Variants in OXCT1 observed in about 807,000 individuals in gnomAD.
OXCT1 encodes the protein succinyl-CoA:3-ketoacid coenzyme A transferase 1, mitochondrial.
In OXCT1, 27 loss-of-function variants were observed where a neutral mutation model predicts 69.6. The ratio of observed to expected loss-of-function variants is 0.39; its 90% CI spans 0.29 to 0.54. OXCT1 has a LOEUF of 0.54. Among genes scored for constraint, OXCT1 ranks in the 20% least tolerant of loss-of-function variants. The probability of loss-of-function intolerance (pLI) is 0.72; values close to 1 mark genes in which losing one functional copy is unlikely to be tolerated. For synonymous variants in OXCT1, 202 were observed against 217.8 expected, an observed-to-expected ratio of 0.93 and a Z score of 0.64; for missense variants, 437 against 650.2, an observed-to-expected ratio of 0.67 and a Z score of 3.57.
In OXCT1 at chr5:41,842,701, C is replaced by G. The variant is rs778133491; in HGVS notation, c.645G>C (p.Ala215=). Residue 215 remains alanine (A), a synonymous_variant, in exon 6 of 17, where the codon GCG becomes GCC. Coordinates refer to ENST00000196371, the MANE Select transcript of OXCT1 (RefSeq NM_000436.4). ...TGAAAATCACGTTTCCTGCTCGGTC[C>G]GCCTTCCAGGCTTTCACCAAAGCAA... ...GDFALVKAWK[A]DRAGNVIFRK... 1.2e-6 allele frequency: 2 copies of G among 1,613,392 alleles called. No individual in the cohort carries two copies. Among genetic ancestry groups the G allele is most frequent in the South Asian group, 1.1e-5 (1 of 91,064 alleles).
chr5:41,734,507 C>T (rs572666078), intron 16 of OXCT1, among the ~76,000 whole-genome samples: 25 of 152,248 alleles, frequency 1.6e-4, no homozygotes, highest in African/African-American at 5.5e-4. Context: ...CTAATACTTT[C>T]GCCCATCAAG....
Position 41,842,801 on chromosome 5 carries a change from C to CCT in OXCT1, c.565-21_565-20insAG. ...CCTCACCTGCAGAAGAGGGAGAAGG[C>CCT]ATCATCAGGTATTTGCATAGGTCTT... On this transcript the variant is annotated intron_variant, in intron 5 of 16. Transcript: ENST00000196371. 6.8e-7 allele frequency: 1 copy of CCT among 1,474,836 alleles called. No homozygotes were observed. The highest frequency in any genetic ancestry group is 1.1e-5 in the South Asian group (1 of 88,260). 91.4% of individuals were successfully genotyped at this position (1,474,836 alleles called of 1,614,324 possible). A position where few individuals can be genotyped will look rare whatever the true frequency, so the allele number is the denominator to read the frequency against.
chr5:41,777,077 T>A (rs1234289266), intron 13 of OXCT1, among the ~76,000 whole-genome samples: 1 of 152,172 alleles, frequency 6.6e-6, no homozygotes, highest in African/African-American at 2.4e-5. Context: ...ATAAAGATAG[T>A]CCTCATCACC....
chr5:41,769,642 T>A (rs991733548), intron 13 of OXCT1, among the ~76,000 whole-genome samples: 2 of 147,868 alleles, frequency 1.4e-5, no homozygotes, highest in Non-Finnish European at 3.0e-5. Flanking sequence ...GGCAGGAAAA[T>A]CACTTGAGCC....
At chr5:41,860,128 G>A (rs547471338) in intron 3 of OXCT1, among the ~76,000 whole-genome samples, 12 of 151,856 alleles carry the variant, frequency 7.9e-5, no homozygotes, top group South Asian at 2.1e-4. Flanking sequence ...AAGAGTTATC[G>A]AGTTGTCTTA....
At chr5:41,827,691 A>C (rs1480958636) in intron 7 of OXCT1, among the ~76,000 whole-genome samples, 1 of 152,168 alleles carries the variant, frequency 6.6e-6, no homozygotes, top group African/African-American at 2.4e-5. Flanking sequence ...CAAGACAAGA[A>C]AGCACATTGC....
chr5:41,785,092 TG>T (rs1745582140), intron 13 of OXCT1, among the ~76,000 whole-genome samples: 1 of 152,226 alleles, frequency 6.6e-6, no homozygotes, highest in Admixed American at 6.5e-5. Context: ...CATCCTAAAT[TG>T]GTGAATCACT....
intron 7 of OXCT1, among the ~76,000 whole-genome samples, chr5:41,831,041 A>G (rs1439510468): frequency 1.3e-5 from 2 of 152,238 alleles, no homozygotes; most frequent in African/African-American, 4.8e-5. Context: ...CAGCTTGATC[A>G]CTTCTAAGAT....
intron 7 of OXCT1, among the ~76,000 whole-genome samples, chr5:41,829,092 A>C (rs766838934): frequency 4.6e-5 from 7 of 152,164 alleles, no homozygotes; most frequent in Non-Finnish European, 7.4e-5. Context: ...GGCTCTCCTG[A>C]TGTCCTGAAT....
rs1219793294 is a variant in OXCT1, at chr5:41,807,348, A to G, written c.823T>C (p.Tyr275His). The G allele has an allele frequency of 1.3e-6, 2 of 1,569,256 alleles. No homozygotes were observed. The highest frequency in any genetic ancestry group is 1.4e-5 in the African/African-American group (1 of 73,864). ...YVHRLIKGEK[Y>H]EKRIERLSIR... Reference sequence around the variant, plus strand: ...TCAATTACCTCAATTCTTTTCTCATATTTTTCTCCCTTTATAAGGCGATGT... The same window carrying G: ...TCAATTACCTCAATTCTTTTCTCATGTTTTTCTCCCTTTATAAGGCGATGT... Residue 275 changes from tyrosine to histidine, a missense_variant, in exon 8 of 17, where the codon TAT (tyrosine) becomes CAT (histidine). By Grantham distance (83) the Tyr-to-His change is moderately conservative. This residue lies in a region of OXCT1 where 252 missense variants were observed against 397.4 expected (regional missense o/e 0.63). Transcript: ENST00000196371.
chr5:41,757,376 T>G (rs958069649), intron 14 of OXCT1, among the ~76,000 whole-genome samples: 1 of 152,086 alleles, frequency 6.6e-6, no homozygotes, highest in Non-Finnish European at 1.5e-5. Flanking sequence ...GCCTCTTTGT[T>G]GCTCCCCAAC....
chr5:41,772,254 C>A (rs1474912932), intron 13 of OXCT1, among the ~76,000 whole-genome samples: 1 of 151,740 alleles, frequency 6.6e-6, no homozygotes, highest in Non-Finnish European at 1.5e-5. Flanking sequence ...ATGGGCAGCA[C>A]ATACTTGCTC....
rs1749729011 is a variant in OXCT1 at position 41,861,388 on chromosome 5, T to C, written c.204A>G (p.Gly68=). The C allele has an allele frequency of 6.2e-7, 1 of 1,610,658 alleles. No homozygotes were observed. The highest frequency in any genetic ancestry group is 1.3e-5 in the African/African-American group (1 of 74,846). The change falls in exon 3 of 17, where the codon GGA becomes GGG. Residue 68 remains glycine (G), a synonymous_variant. Coordinates refer to ENST00000196371, the MANE Select transcript of OXCT1 (RefSeq NM_000436.4). ...TVLVGGFGLC[G]IPENLIDALL... ...AAGCATCTATAAGATTCTCTGGAAT[T>C]CCACATAGCCCAAAACCTATATTAA...
At position 41,862,737 on chromosome 5, in the gene OXCT1, G is replaced by C; in HGVS notation, c.92C>G (p.Ser31Cys). The change falls in exon 2 of 17, where the codon TCC becomes TGC. Residue 31 changes from serine to cysteine, a missense_variant. This residue lies in a region of OXCT1 where 79 missense variants were observed against 61.5 expected (regional missense o/e 1.28). Transcript: ENST00000196371. Reference sequence around the variant, plus strand: ...ATGGCGATGAGCACTGGTGGAAAAGGAACAAACACATCCCTGAAATATTAA... The same window carrying C: ...ATGGCGATGAGCACTGGTGGAAAAGCAACAAACACATCCCTGAAATATTAA... ...GATWYKGCVCSFSTSAHRHTK... is the reference protein window; with the variant it reads ...GATWYKGCVCCFSTSAHRHTK... The C allele has an allele frequency of 6.2e-7, 1 of 1,605,332 alleles. No homozygotes were observed.
At chr5:41,736,863 A>G (rs1228918675) in intron 16 of OXCT1, among the ~76,000 whole-genome samples, 2 of 152,244 alleles carry the variant, frequency 1.3e-5, no homozygotes, top group Non-Finnish European at 2.9e-5. Context: ...CAACTAGTGT[A>G]TAGTCACATA....
chr5:41,800,905 C>T, intron 11 of OXCT1, 117 bp downstream of exon 11: 1 of 890,602 alleles, frequency 1.1e-6, no homozygotes, highest in Non-Finnish European at 1.9e-6. Context: ...ATCTCTCCTC[C>T]TCAACAATGA....
intron 3 of OXCT1, 105 bp downstream of exon 3, chr5:41,861,209 T>C (rs1749717664): frequency 3.8e-6 from 3 of 793,780 alleles, no homozygotes; most frequent in South Asian, 2.7e-5. Flanking sequence ...CTTGGACATA[T>C]TGCTCATGTG....
chr5:41,799,100 A>G (rs1746311441), intron 11 of OXCT1, among the ~76,000 whole-genome samples: 1 of 152,226 alleles, frequency 6.6e-6, no homozygotes, highest in Admixed American at 6.5e-5. Flanking sequence ...CTTTTTTAAA[A>G]GAGATCCTTG....
chr5:41,801,098 G>A (rs1453326337), intron 10 of OXCT1, 28 bp from the exon 11 acceptor site: 1 of 1,538,836 alleles, frequency 6.5e-7, no homozygotes, highest in African/African-American at 1.4e-5. Context: ...CATTCAATTA[G>A]TAAATGAAGA....
Sources: allele counts gnomAD v4.1 joint callset (sites outside exome capture counted in the v4.1 genomes callset), GRCh38; gene constraint gnomAD v4.1.1; regional missense constraint gnomAD v4.1.1; transcripts MANE v1.5; gene names NCBI Gene and HGNC (gene_info 2026-07-23, HGNC 2026-07-21).